Variants in FCGR2A observed in about 807,000 individuals in gnomAD.
The protein encoded by FCGR2A is Fc gamma receptor IIa.
FCGR2A carries 18 observed loss-of-function variants against 29.3 expected under a neutral mutation model. The observed-to-expected ratio is 0.62, with a 90% CI of 0.43 to 0.91. The LOEUF is 0.91. Among genes scored for constraint, FCGR2A ranks in the 40% least tolerant of loss-of-function variants. FCGR2A has a pLI of 0.00. For missense variants in FCGR2A, 287 were observed against 393.0 expected (o/e 0.73, Z 2.28); for synonymous variants, 126 against 144.8 (o/e 0.87, Z 0.93).
In FCGR2A at chr1:161,510,953, T is replaced by A. The variant is rs1430931154; in HGVS notation, c.739T>A (p.Ser247Thr). The A allele has an allele frequency of 6.2e-7, 1 of 1,614,034 alleles. No homozygotes were observed. The highest frequency in any genetic ancestry group is 1.3e-5 in the African/African-American group (1 of 74,918). ...ALIYCRKKRISANSTDPVKAA... is the reference protein window; with the variant it reads ...ALIYCRKKRITANSTDPVKAA... Reference sequence around the variant, plus strand: ...GATCTACTGCAGGAAAAAGCGGATTTCAGGTTTGTAGCTCCTCCCAGTCCC... The same window carrying A: ...GATCTACTGCAGGAAAAAGCGGATTACAGGTTTGTAGCTCCTCCCAGTCCC... The change falls in exon 5 of 7, where the codon TCA (serine) becomes ACA (threonine). Residue 247 changes from serine to threonine, a missense_variant. Around this residue, in one of 3 missense-constraint regions of FCGR2A, gnomAD observed 72 missense variants for 68.6 expected, o/e 1.05. Coordinates refer to ENST00000271450, the MANE Select transcript of FCGR2A (RefSeq NM_001136219.3).
At position 161,509,991 on chromosome 1, in the gene FCGR2A, A is replaced by G. The variant is rs760172471; in HGVS notation, c.536A>G (p.His179Arg). 23 of 1,613,938 alleles carry G rather than the reference A, an allele frequency of 1.4e-5. No homozygotes were observed. Among genetic ancestry groups the G allele is most frequent in the Non-Finnish European group, 1.9e-5 (22 of 1,179,858 alleles). The stretch of plus-strand genomic sequence containing the variant: ...ACCTTCTCCATCCCACAAGCAAACC[A>G]CAGTCACAGTGGTGATTACCACTGC... Reference protein sequence around the residue: ...DPTFSIPQANHSHSGDYHCTG... With the variant: ...DPTFSIPQANRSHSGDYHCTG... The change falls in exon 4 of 7, where the codon CAC (histidine) becomes CGC (arginine). Residue 179 changes from histidine to arginine, a missense_variant. By Grantham distance (29) the His-to-Arg change is conservative. This residue lies in a region of FCGR2A where 181 missense variants were observed against 250.9 expected (regional missense o/e 0.72). Transcript: ENST00000271450.
In FCGR2A at chr1:161,518,702, C is replaced by T. The variant is rs1443583172; in HGVS notation, c.*554C>T. The T allele has an allele frequency of 1.9e-5, 3 of 157,470 alleles. No homozygotes were observed. Among genetic ancestry groups the T allele is most frequent in the Non-Finnish European group, 4.2e-5 (3 of 71,608 alleles). 9.8% of individuals were successfully genotyped at this position (157,470 alleles called of 1,614,324 possible). A position where few individuals can be genotyped will look rare whatever the true frequency, so the allele number is the denominator to read the frequency against. Reference sequence around the variant, plus strand: ...CTTGGCTCACTGCAAACCCGCCTCCCAGGTTTAAGCGATTCTCATGCCTCA... The same window carrying T: ...CTTGGCTCACTGCAAACCCGCCTCCTAGGTTTAAGCGATTCTCATGCCTCA... On this transcript the variant is annotated 3_prime_UTR_variant, in exon 7 of 7. Transcript: ENST00000271450.
rs145850094 is a variant in FCGR2A at position 161,518,785 on chromosome 1, T to C, written c.*637T>C. The C allele has an allele frequency of 9.3e-3, 1,452 of 155,652 alleles. 12 individuals are homozygous for C. The highest frequency in any genetic ancestry group is 0.032 in the African/African-American group (1,341 of 41,518). The allele number at this position is 155,652 out of a possible 1,614,324, so 9.6% of individuals were successfully genotyped here. Reference sequence around the variant, plus strand: ...CATCATACCCAGCTAATTTTTGTATTTTTTATTTTTTTTTTTTAGTAGAGA... The same window carrying C: ...CATCATACCCAGCTAATTTTTGTATCTTTTATTTTTTTTTTTTAGTAGAGA... On this transcript the variant is annotated 3_prime_UTR_variant, in exon 7 of 7. Coordinates refer to ENST00000271450, the MANE Select transcript of FCGR2A (RefSeq NM_001136219.3).
chr1:161,519,446 A>G lies in FCGR2A; in HGVS notation c.*1298A>G, dbSNP rs1676356221. The G allele has an allele frequency of 1.3e-5, 2 of 152,432 alleles. No individual in the cohort carries two copies. Among genetic ancestry groups the G allele is most frequent in the African/African-American group, 4.8e-5 (2 of 41,442 alleles). The allele number at this position is 152,432 out of a possible 1,614,324, so 9.4% of individuals were successfully genotyped here. On this transcript the variant is annotated 3_prime_UTR_variant, in exon 7 of 7. Transcript: ENST00000271450. ...TCTATATGACTTCAGAAATGTTAAAATAGACTAACCTCTAACAACAAATTA... is the reference window on the plus strand; with the variant it reads ...TCTATATGACTTCAGAAATGTTAAAGTAGACTAACCTCTAACAACAAATTA...
intron 6 of FCGR2A, among the ~76,000 whole-genome samples, chr1:161,517,380 A>G (rs1252905447): frequency 6.6e-6 from 1 of 152,140 alleles, no homozygotes; most frequent in Non-Finnish European, 1.5e-5. Flanking sequence ...AAGGTTTCCA[A>G]TGAGTTACAG....
chr1:161,520,220 G>C (rs1446066930), downstream of FCGR2A, among the ~76,000 whole-genome samples: 1 of 152,096 alleles, frequency 6.6e-6, no homozygotes, highest in African/African-American at 2.4e-5. Context: ...TATTTATGAA[G>C]AAAAGAGGGT....
chr1:161,511,558 C>T (rs1478936080), intron 5 of FCGR2A, among the ~76,000 whole-genome samples: 2 of 152,180 alleles, frequency 1.3e-5, no homozygotes, highest in Non-Finnish European at 2.9e-5. Context: ...CCTGGGCGTC[C>T]CCATGGGTGA....
chr1:161,522,698 C>T (rs1161273801), downstream of FCGR2A: 1 of 152,172 alleles, frequency 6.6e-6, no homozygotes, highest in Admixed American at 6.5e-5. Context: ...AAATAGGTTA[C>T]TTCTTTTCAA....
intron 3 of FCGR2A, among the ~76,000 whole-genome samples, chr1:161,508,086 CAAAAAAA>C (rs61414204): frequency 0.07 from 4,808 of 68,200 alleles, 103 homozygotes; most frequent in Middle Eastern, 0.2. Context: ...AACTCTGTCT[CAAAAAAA>C]AAAAAAAAAA....
rs767674104 is a variant in FCGR2A at position 161,517,971 on chromosome 1, G to A, written c.781-4G>A. ...TCCTATGGGTTTTAAATGCTTTCCT[G>A]CAGCCACCTGGACGTCAAATGATTG... On this transcript the variant is annotated splice_polypyrimidine_tract_variant and splice_region_variant and intron_variant, in intron 6 of 6. Transcript: ENST00000271450. 1 of 1,613,248 alleles carries A rather than the reference G, an allele frequency of 6.2e-7. No homozygotes were observed. Among genetic ancestry groups the A allele is most frequent in the African/African-American group, 1.3e-5 (1 of 74,888 alleles).
rs113343829 is a variant in FCGR2A at position 161,505,583 on chromosome 1, T to C, written c.85+31T>C. The C allele has an allele frequency of 1.2e-3, 1,817 of 1,540,478 alleles. 20 individuals carry two copies. In the African/African-American group the frequency reaches 0.02, roughly 17 times the overall value. On this transcript the variant is annotated intron_variant, in intron 1 of 6. Transcript: ENST00000271450. Reference sequence around the variant, plus strand: ...TGAGGGTCATTCTGAAATGGGGCAATTTCAGACACTCCTACTGCCTGGACT... The same window carrying C: ...TGAGGGTCATTCTGAAATGGGGCAACTTCAGACACTCCTACTGCCTGGACT...
chr1:161,521,976 C>T (rs559572187), downstream of FCGR2A, among the ~76,000 whole-genome samples: 5 of 151,960 alleles, frequency 3.3e-5, no homozygotes, highest in East Asian at 3.9e-4. Flanking sequence ...ACTTTAAGGT[C>T]GGTTCTATTT....
chr1:161,510,365 C>T (rs991848503), intron 4 of FCGR2A: 4 of 640,774 alleles, frequency 6.2e-6, no homozygotes, highest in Middle Eastern at 2.7e-4. Context: ...GCAGAGGTTC[C>T]CTAAGCTCCT....
In FCGR2A at chr1:161,519,433, C is replaced by A. The variant is rs937685654; in HGVS notation, c.*1285C>A. The A allele has an allele frequency of 6.6e-6, 1 of 152,372 alleles. No individual in the cohort carries two copies. Among genetic ancestry groups the A allele is most frequent in the Non-Finnish European group, 1.5e-5 (1 of 68,116 alleles). The allele number at this position is 152,372 out of a possible 1,614,324, so 9.4% of individuals were successfully genotyped here. On this transcript the variant is annotated 3_prime_UTR_variant, in exon 7 of 7. Coordinates refer to ENST00000271450, the MANE Select transcript of FCGR2A (RefSeq NM_001136219.3). ...GCAATCATGTAAGTCTATATGACTT[C>A]AGAAATGTTAAAATAGACTAACCTC...
Position 161,505,762 on chromosome 1 carries a change from C to T in FCGR2A, c.85+210C>T, listed in dbSNP as rs56022911. On this transcript the variant is annotated intron_variant, in intron 1 of 6. Transcript: ENST00000271450. The stretch of plus-strand genomic sequence containing the variant: ...TAGTCCCTGGAAAGTCCATTCTGCA[C>T]CAAACATTCATGTGTACTTTGTAGT... 28 of 710,144 alleles carry T rather than the reference C, an allele frequency of 3.9e-5. No homozygotes were observed. The East Asian group carries it at 5.9e-4, about 15-fold the overall frequency. 44.0% of individuals were successfully genotyped at this position (710,144 alleles called of 1,614,324 possible). A position where few individuals can be genotyped will look rare whatever the true frequency, so the allele number is the denominator to read the frequency against.
In FCGR2A at chr1:161,518,117, C is replaced by T. The variant is rs1676255754; in HGVS notation, c.923C>T (p.Pro308Leu). 1 of 1,613,720 alleles carries T rather than the reference C, an allele frequency of 6.2e-7. No individual in the cohort carries two copies. Among genetic ancestry groups the T allele is most frequent in the Non-Finnish European group, 8.5e-7 (1 of 1,179,874 alleles). ...GATAAAAACATCTACCTGACTCTTC[C>T]TCCCAACGACCATGTCAACAGTAAT... ...DDDKNIYLTLPPNDHVNSNN is the reference protein window; with the variant it reads ...DDDKNIYLTLLPNDHVNSNN Residue 308 changes from proline to leucine, a missense_variant, in exon 7 of 7, where the codon CCT (proline) becomes CTT (leucine). This residue lies in a region of FCGR2A where 34 missense variants were observed against 73.5 expected (regional missense o/e 0.46). Coordinates refer to ENST00000271450, the MANE Select transcript of FCGR2A (RefSeq NM_001136219.3).
intron 2 of FCGR2A, 69 bp downstream of exon 2, chr1:161,506,076 G>A (rs2102455362): frequency 6.6e-7 from 1 of 1,504,852 alleles, no homozygotes. Context: ...GTGTTTGCTG[G>A]GGCGGCGGGG....
chr1:161,517,363 T>G (rs1676207923), intron 6 of FCGR2A, among the ~76,000 whole-genome samples: 1 of 152,060 alleles, frequency 6.6e-6, no homozygotes, highest in African/African-American at 2.4e-5. Context: ...CCTCCTTAAA[T>G]TAGAATAAGG....
intron 3 of FCGR2A, among the ~76,000 whole-genome samples, chr1:161,508,216 A>G (rs531987641): frequency 6.6e-6 from 1 of 152,256 alleles, no homozygotes; most frequent in South Asian, 2.1e-4. Flanking sequence ...TTAATGGCAC[A>G]GCCAAAATCG....
Sources: gnomAD v4.1 joint callset for allele counts (sites outside exome capture counted in the v4.1 genomes callset) on GRCh38, gnomAD v4.1.1 for gene constraint, gnomAD v4.1.1 regional missense constraint, MANE v1.5 for transcripts, NCBI Gene and HGNC (gene_info 2026-07-23, HGNC 2026-07-21) for gene names.